The following PKP1 variants were observed in gnomAD, a reference collection of about 807,000 sequenced individuals.
PKP1 encodes the protein plakophilin 1, also known as plakophilin-1.
In PKP1, 27 loss-of-function variants were observed where a neutral mutation model predicts 76.4. The observed-to-expected ratio is 0.35, with a 90% CI of 0.26 to 0.49. The LOEUF is 0.49. PKP1 is among the 20% of genes least tolerant of loss of function. The probability of loss-of-function intolerance (pLI) is 0.99; values close to 1 mark genes in which losing one functional copy is unlikely to be tolerated. For missense variants in PKP1, 964 were observed against 955.2 expected (o/e 1.01, Z -0.12); for synonymous variants, 404 against 384.2 (o/e 1.05, Z -0.60).
chr1:201,295,267 G>A (rs549807195), intron 2 of PKP1, among the ~76,000 whole-genome samples: 1 of 152,190 alleles, frequency 6.6e-6, no homozygotes, highest in East Asian at 1.9e-4. Context: ...GAGTTCTTTT[G>A]GGGGCTAATT....
At chr1:201,287,876 A>T (rs1191586354) in intron 1 of PKP1, among the ~76,000 whole-genome samples, 1 of 152,244 alleles carries the variant, frequency 6.6e-6, no homozygotes, top group African/African-American at 2.4e-5. Flanking sequence ...GAACAAAATA[A>T]AATGGACGAA....
intron 2 of PKP1, among the ~76,000 whole-genome samples, chr1:201,306,506 G>A (rs1399805345): frequency 2.0e-5 from 3 of 152,196 alleles, no homozygotes; most frequent in Non-Finnish European, 4.4e-5. Flanking sequence ...AGTTTTATAG[G>A]ATATTTTCTA....
chr1:201,316,484 G>C lies in PKP1; in HGVS notation c.702-69G>C. On this transcript the variant is annotated intron_variant, in intron 3 of 13. Transcript: ENST00000367324. The stretch of plus-strand genomic sequence containing the variant: ...CTGTGGCAGCTTAGTGTGCTGGGAG[G>C]AATTCTGAGCCCCCTCAGCAGGGCT... 2.7e-6 allele frequency: 4 copies of C among 1,495,252 alleles called. No homozygotes were observed. The South Asian group carries it at 4.9e-5, about 18-fold the overall frequency. The allele number at this position is 1,495,252 out of a possible 1,614,324, so 92.6% of individuals were successfully genotyped here. A position where few individuals can be genotyped will look rare whatever the true frequency, so the allele number is the denominator to read the frequency against.
At chr1:201,324,394 C>CA (rs1237659914) in intron 9 of PKP1, 34 bp from the exon 10 acceptor site, 2 of 1,613,082 alleles carry the variant, frequency 1.2e-6, no homozygotes, top group African/African-American at 1.3e-5. Flanking sequence ...TGGGAAGCCA[C>CA]AGGCTAGCTC....
At chr1:201,292,544 C>A (rs138987771) in intron 1 of PKP1, among the ~76,000 whole-genome samples, 60 of 152,232 alleles carry the variant, frequency 3.9e-4, no homozygotes, top group South Asian at 8.3e-4. Context: ...AGGTGGGGAT[C>A]CCTGCCTCAT....
chr1:201,321,865 T>C (rs955784569), intron 7 of PKP1, 113 bp from the exon 8 acceptor site: 28 of 1,251,162 alleles, frequency 2.2e-5, no homozygotes, highest in Admixed American at 1.3e-4. Context: ...TGCGCTCATC[T>C]TTCCCGATGC....
chr1:201,316,141 T>TGGACGGACGGACGGACGGAC (rs200672478), intron 3 of PKP1: 9,564 of 68,320 alleles, frequency 0.14, 575 homozygotes, highest in East Asian at 0.27. Context: ...GACGGACGGA[T>TGGACGGACGGACGGACGGAC]GGACGGACGG....
In PKP1 at chr1:201,298,949, A is replaced by C. The variant is rs1015854432; in HGVS notation, c.306+4904A>C. On this transcript the variant is annotated intron_variant, in intron 2 of 13. Coordinates refer to ENST00000367324, the MANE Select transcript of PKP1 (RefSeq NM_001005337.3). ...GATGAGAGGACTGGGGTTGCATCACACTCCAGCAGGGGATGGGAAAGCCAA... is the reference window on the plus strand; with the variant it reads ...GATGAGAGGACTGGGGTTGCATCACCCTCCAGCAGGGGATGGGAAAGCCAA... 2.0e-5 allele frequency among the ~76,000 whole-genome samples: 3 copies of C among 151,974 alleles called. No homozygotes were observed. The South Asian group carries it at 6.2e-4, about 32-fold the overall frequency.
chr1:201,291,410 G>A (rs1460648840), intron 1 of PKP1, among the ~76,000 whole-genome samples: 1 of 152,226 alleles, frequency 6.6e-6, no homozygotes, highest in Non-Finnish European at 1.5e-5. Context: ...ATGTGTCTGT[G>A]TGTCCACTGC....
chr1:201,325,208 C>T (rs1402932059), intron 11 of PKP1, 81 bp downstream of exon 11: 1 of 1,413,384 alleles, frequency 7.1e-7, no homozygotes, highest in East Asian at 2.3e-5. Context: ...AGTCCCGCAG[C>T]TCTCCATGGA....
rs369806569 is a variant in PKP1 at position 201,283,838 on chromosome 1, A to T, written c.136A>T (p.Met46Leu). ...SGRQRVQEQV[M>L]MTVKRQKSKS... ...CAGGCAGCGCGTGCAGGAGCAGGTG[A>T]TGATGACCGTCAAGCGGCAGAAGTC... The change falls in exon 1 of 14, where the codon ATG (methionine) becomes TTG (leucine). Residue 46 changes from methionine to leucine, a missense_variant. Coordinates refer to ENST00000367324, the MANE Select transcript of PKP1 (RefSeq NM_001005337.3). 27 of 1,614,044 alleles carry T rather than the reference A, an allele frequency of 1.7e-5. No homozygotes were observed. Among genetic ancestry groups the T allele is most frequent in the East Asian group, 1.1e-4 (5 of 44,892 alleles).
intron 2 of PKP1, among the ~76,000 whole-genome samples, chr1:201,297,679 C>T (rs1346596171): frequency 6.6e-6 from 1 of 152,112 alleles, no homozygotes; most frequent in African/African-American, 2.4e-5. Flanking sequence ...CTGTGGGTTT[C>T]CACAATCTCA....
chr1:201,292,136 C>T, intron 1 of PKP1, among the ~76,000 whole-genome samples: 1 of 152,154 alleles, frequency 6.6e-6, no homozygotes, highest in East Asian at 1.9e-4. Flanking sequence ...AGGCAGGTGG[C>T]AAACGAGGCG....
chr1:201,295,878 G>A (rs1656055551), intron 2 of PKP1, among the ~76,000 whole-genome samples: 1 of 78,280 alleles, frequency 1.3e-5, no homozygotes, highest in African/African-American at 3.9e-5. Flanking sequence ...CGGGGAAGGT[G>A]TTTCTAAAGA....
Position 201,323,001 on chromosome 1 carries a change from CT to C in PKP1, c.1504-9del. On this transcript the variant is annotated splice_polypyrimidine_tract_variant and intron_variant, in intron 8 of 13. Coordinates refer to ENST00000367324, the MANE Select transcript of PKP1 (RefSeq NM_001005337.3). ...TCCCCATTGACCCCCCTGACCGGCTCTTTATCCTCAGAACAACAACTATGAC... is the reference window on the plus strand; with the variant it reads ...TCCCCATTGACCCCCCTGACCGGCTCTTATCCTCAGAACAACAACTATGAC... 1 of 1,613,806 alleles carries C rather than the reference CT, an allele frequency of 6.2e-7. No homozygotes were observed. Among genetic ancestry groups the C allele is most frequent in the Non-Finnish European group, 8.5e-7 (1 of 1,179,850 alleles).
At chr1:201,323,709 C>T (rs982619577) in intron 9 of PKP1, among the ~76,000 whole-genome samples, 11 of 152,148 alleles carry the variant, frequency 7.2e-5, no homozygotes, top group African/African-American at 2.7e-4. Context: ...ATGGGCCAGG[C>T]GGCCAACTGT....
chr1:201,313,114 A>G, intron 2 of PKP1, 52 bp from the exon 3 acceptor site: 5 of 1,582,330 alleles, frequency 3.2e-6, no homozygotes, highest in Non-Finnish European at 3.5e-6. Context: ...TGCTGGATCC[A>G]GGACCCCCAT....
rs1657109514 is a variant in PKP1 at position 201,325,891 on chromosome 1, AG to A, written c.2106+56del. On this transcript the variant is annotated intron_variant, in intron 12 of 13. Transcript: ENST00000367324. Reference sequence around the variant, plus strand: ...TGAGGTTCTTCCTGCTCATGAGCAGAGGGCCTGGCATATGCTGGGCTCTGGG... The same window carrying A: ...TGAGGTTCTTCCTGCTCATGAGCAGAGGCCTGGCATATGCTGGGCTCTGGG... The A allele has an allele frequency of 3.6e-6, 5 of 1,378,440 alleles. No homozygotes were observed. The Admixed American group carries it at 8.6e-5, about 24-fold the overall frequency. 85.4% of individuals were successfully genotyped at this position (1,378,440 alleles called of 1,614,324 possible).
chr1:201,304,188 G>A (rs935707949), intron 2 of PKP1, among the ~76,000 whole-genome samples: 3 of 152,182 alleles, frequency 2.0e-5, no homozygotes, highest in East Asian at 1.9e-4. Context: ...GGGTGCTCAC[G>A]GGTAGCCAGG....
Sources: allele counts gnomAD v4.1 joint callset (sites outside exome capture counted in the v4.1 genomes callset), GRCh38; gene constraint gnomAD v4.1.1; transcripts MANE v1.5; gene names NCBI Gene and HGNC (gene_info 2026-07-23, HGNC 2026-07-21).